Variants in STRN observed in about 807,000 individuals in gnomAD.
STRN encodes striatin.
A neutral mutation model predicts 96.3 loss-of-function variants in STRN; 53 were observed. The ratio of observed to expected loss-of-function variants is 0.55; its 90% CI spans 0.44 to 0.69. The LOEUF is 0.69. STRN is among the 30% of genes least tolerant of loss of function. The pLI is 0.00. For synonymous variants in STRN, 428 were observed against 355.9 expected (o/e 1.20, Z -2.28); for missense variants, 987 against 963.9 (o/e 1.02, Z -0.32).
At chr2:36,884,338 A>G (rs551630020) in intron 8 of STRN, among the ~76,000 whole-genome samples, 2 of 152,340 alleles carry the variant, frequency 1.3e-5, no homozygotes, top group African/African-American at 2.4e-5. Flanking sequence ...TTAGACCATG[A>G]AAAATAACAT....
chr2:36,942,478 ATT>A (rs1358798878), intron 1 of STRN, among the ~76,000 whole-genome samples: 51 of 152,184 alleles, frequency 3.4e-4, no homozygotes, highest in African/African-American at 1.1e-3. Context: ...ATTTTTCCCT[ATT>A]ACAAAATCAT....
intron 1 of STRN, among the ~76,000 whole-genome samples, chr2:36,942,997 T>C (rs1041813159): frequency 4.6e-5 from 7 of 151,992 alleles, no homozygotes; most frequent in Admixed American, 1.3e-4. Flanking sequence ...TGCCCGGCCA[T>C]TTATTTTTTT....
At position 36,842,752 on chromosome 2, in the gene STRN, C is replaced by G. The variant is rs972960016; in HGVS notation, c.*6704G>C. ...GTTTTGAATCATTTGATATACAAAA[C>G]TTACTGAGTTAAAATTTGTGTTTCA... On this transcript the variant is annotated 3_prime_UTR_variant, in exon 18 of 18. Coordinates refer to ENST00000263918, the MANE Select transcript of STRN (RefSeq NM_003162.4). Among the ~76,000 whole-genome samples, 2 of 152,142 alleles carry G rather than the reference C, an allele frequency of 1.3e-5. No individual in the cohort carries two copies. Among genetic ancestry groups the G allele is most frequent in the African/African-American group, 2.4e-5 (1 of 41,414 alleles).
At chr2:36,939,795 G>T (rs1038188017) in intron 1 of STRN, among the ~76,000 whole-genome samples, 5 of 152,014 alleles carry the variant, frequency 3.3e-5, no homozygotes, top group African/African-American at 1.2e-4. Flanking sequence ...AATAAAACAG[G>T]TTTCAAAAAG....
At position 36,849,321 on chromosome 2, in the gene STRN, C is replaced by T. The variant is rs1454560713; in HGVS notation, c.*135G>A. The T allele has an allele frequency of 4.9e-5, 53 of 1,076,546 alleles. No homozygotes were observed. The highest frequency in any genetic ancestry group is 6.8e-5 in the Non-Finnish European group (52 of 761,318). 66.7% of individuals were successfully genotyped at this position (1,076,546 alleles called of 1,614,324 possible). On this transcript the variant is annotated 3_prime_UTR_variant, in exon 18 of 18. Transcript: ENST00000263918. ...ACAGTATATGAATTGCAAAACTATA[C>T]TTCAACAAATGTTCTCTGTGCTCCT...
intron 1 of STRN, among the ~76,000 whole-genome samples, chr2:36,962,734 C>A (rs1311955679): frequency 6.6e-6 from 1 of 152,164 alleles, no homozygotes; most frequent in Non-Finnish European, 1.5e-5. Flanking sequence ...GTCTCGATAT[C>A]TTGACCTCAC....
intron 9 of STRN, among the ~76,000 whole-genome samples, chr2:36,883,167 A>G (rs576096799): frequency 6.6e-6 from 1 of 152,244 alleles, no homozygotes; most frequent in African/African-American, 2.4e-5. Context: ...AAGTATATAC[A>G]TGTGAGGCCA....
At chr2:36,964,276 T>TG (rs1167734735) in intron 1 of STRN, among the ~76,000 whole-genome samples, 3 of 151,364 alleles carry the variant, frequency 2.0e-5, no homozygotes, top group Admixed American at 6.6e-5. Flanking sequence ...GTTTTTGTTT[T>TG]TTTTTTTTTA....
intron 10 of STRN, among the ~76,000 whole-genome samples, chr2:36,872,738 G>A (rs1301805771): frequency 1.4e-4 from 22 of 152,160 alleles, no homozygotes; most frequent in Non-Finnish European, 4.4e-5. Flanking sequence ...AACTCTTTGT[G>A]GGGATAGAAT....
intron 13 of STRN, among the ~76,000 whole-genome samples, chr2:36,858,634 G>C (rs1572626658): frequency 6.6e-6 from 1 of 152,164 alleles, no homozygotes; most frequent in East Asian, 1.9e-4. Context: ...CATGATAAAA[G>C]TCAAATTGGA....
chr2:36,908,956 G>C (rs1669894085), intron 3 of STRN, among the ~76,000 whole-genome samples: 1 of 151,418 alleles, frequency 6.6e-6, no homozygotes, highest in East Asian at 2.0e-4. Context: ...ACTCCAGCCT[G>C]GGCGACAGAG....
At chr2:36,943,020 T>C (rs1302774454) in intron 1 of STRN, among the ~76,000 whole-genome samples, 2 of 151,076 alleles carry the variant, frequency 1.3e-5, no homozygotes, top group African/African-American at 4.8e-5. Flanking sequence ...TTAATAGAAA[T>C]ATATATTGCT....
intron 10 of STRN, among the ~76,000 whole-genome samples, chr2:36,873,263 C>A (rs576085021): frequency 1.3e-5 from 2 of 152,318 alleles, no homozygotes; most frequent in South Asian, 4.1e-4. Flanking sequence ...GTTATTTCTA[C>A]AGACAACTTT....
rs1667973699 is a variant in STRN, at chr2:36,842,394, A to G, written c.*7062T>C. 1 of 152,196 alleles carries G rather than the reference A, an allele frequency of 6.6e-6. No individual in the cohort carries two copies. The highest frequency in any genetic ancestry group is 2.1e-4 in the South Asian group (1 of 4,832). 9.4% of individuals were successfully genotyped at this position (152,196 alleles called of 1,614,324 possible). On this transcript the variant is annotated 3_prime_UTR_variant, in exon 18 of 18. Transcript: ENST00000263918. The stretch of plus-strand genomic sequence containing the variant: ...AAATTAATAACACTATAGTACTCCA[A>G]GTGCTGTTTAACAGATGTTTTACTG...
In STRN at chr2:36,942,336, C is replaced by T. The variant is rs1670866256; in HGVS notation, c.235-17128G>A. On this transcript the variant is annotated intron_variant, in intron 1 of 17. Transcript: ENST00000263918. ...AGCCACTGCACCAGTCCTTGACTAC[C>T]CATATTTTTCTCATGTAAAAATGAG... Among the ~76,000 whole-genome samples the T allele has an allele frequency of 2.0e-5, 3 of 152,046 alleles. No individual in the cohort carries two copies. The South Asian group carries it at 6.2e-4, about 32-fold the overall frequency.
In STRN at chr2:36,940,351, G is replaced by A. The variant is rs376327911; in HGVS notation, c.235-15143C>T. On this transcript the variant is annotated intron_variant, in intron 1 of 17. Transcript: ENST00000263918. ...ACTCAGAAACAAATGGCAGGAGGTT[G>A]ATAAAGAACCATGAGAATATATAGA... is the stretch of plus-strand genomic sequence containing the variant. 3.9e-5 allele frequency among the ~76,000 whole-genome samples: 6 copies of A among 152,264 alleles called. No homozygotes were observed. The South Asian group carries it at 1.2e-3, about 32-fold the overall frequency.
intron 1 of STRN, among the ~76,000 whole-genome samples, chr2:36,928,809 C>T (rs1289267075): frequency 1.3e-5 from 2 of 150,738 alleles, no homozygotes; most frequent in African/African-American, 2.4e-5. Context: ...ATTAGCCGGG[C>T]GTGGTGGCAG....
chr2:36,895,128 C>T (rs1454580261), intron 6 of STRN, among the ~76,000 whole-genome samples: 3 of 151,958 alleles, frequency 2.0e-5, no homozygotes, highest in Admixed American at 1.3e-4. Flanking sequence ...GAGATCGAGA[C>T]CATCCTGGCT....
intron 5 of STRN, among the ~76,000 whole-genome samples, chr2:36,901,121 C>T (rs1669670798): frequency 6.6e-6 from 1 of 152,026 alleles, no homozygotes; most frequent in South Asian, 2.1e-4. Flanking sequence ...ACTCTTTATC[C>T]CTACTGAAAT....
Sources: gnomAD v4.1 joint callset for allele counts (sites outside exome capture counted in the v4.1 genomes callset) on GRCh38, gnomAD v4.1.1 for gene constraint, MANE v1.5 for transcripts, NCBI Gene and HGNC (gene_info 2026-07-23, HGNC 2026-07-21) for gene names.